DPYSL3: variants seen among roughly 807,000 people sequenced by gnomAD.
The protein encoded by DPYSL3 is dihydropyrimidinase-related protein 3.
In DPYSL3, 16 loss-of-function variants were observed where a neutral mutation model predicts 66.1. That is an observed-to-expected ratio of 0.24 (90% CI 0.16 to 0.37). DPYSL3 has a LOEUF of 0.37. DPYSL3 is among the 10% of genes least tolerant of loss of function. DPYSL3 has a pLI of 1.00. For missense variants in DPYSL3, 738 were observed against 916.2 expected, an observed-to-expected ratio of 0.81 and a Z score of 2.51; for synonymous variants, 338 against 345.1, an observed-to-expected ratio of 0.98 and a Z score of 0.23.
intron 1 of DPYSL3, chr5:147,453,973 C>T (rs772147963): frequency 8.7e-6 from 2 of 230,318 alleles, no homozygotes; most frequent in African/African-American, 4.5e-5. Flanking sequence ...CCCACTTTTT[C>T]TTTTTCTTTC....
chr5:147,424,905 G>A lies in DPYSL3; in HGVS notation c.440C>T (p.Ala147Val), dbSNP rs751057179. 1.2e-6 allele frequency: 2 copies of A among 1,612,130 alleles called. No homozygotes were observed. Among genetic ancestry groups the A allele is most frequent in the African/African-American group, 1.3e-5 (1 of 74,846 alleles). ...RIVNDDQSFY[A>V]DIYMEDGLIK... ...TAAGCCATCTTCCATGTAAATATCA[G>A]CATAAAAGGACTGATCATCATTGAC... is the stretch of plus-strand genomic sequence containing the variant. The change falls in exon 2 of 14, where the codon GCT (alanine) becomes GTT (valine). Residue 147 changes from alanine to valine, a missense_variant. By Grantham distance (64) the Ala-to-Val change is moderately conservative. Transcript: ENST00000343218.
chr5:147,493,018 A>T (rs1043228646), intron 1 of DPYSL3, among the ~76,000 whole-genome samples: 10 of 152,202 alleles, frequency 6.6e-5, no homozygotes, highest in African/African-American at 2.4e-4. Flanking sequence ...TGCTAACACT[A>T]ATCAAAAGAA....
intron 1 of DPYSL3, among the ~76,000 whole-genome samples, chr5:147,491,449 A>G (rs142344967): frequency 9.3e-4 from 141 of 152,334 alleles, no homozygotes; most frequent in African/African-American, 3.3e-3. Context: ...ACAAGCATCA[A>G]AACAAGAGTC....
At chr5:147,442,316 T>C (rs1362867525) in intron 1 of DPYSL3, among the ~76,000 whole-genome samples, 1 of 152,118 alleles carries the variant, frequency 6.6e-6, no homozygotes, top group Non-Finnish European at 1.5e-5. Context: ...TCTACAAATG[T>C]CAACAGCCTC....
intron 1 of DPYSL3, among the ~76,000 whole-genome samples, chr5:147,440,102 C>A (rs189756613): frequency 2.3e-3 from 357 of 152,110 alleles, no homozygotes; most frequent in African/African-American, 7.0e-3. Flanking sequence ...GGAGATCGAG[C>A]CCATCCTGGC....
At position 147,395,610 on chromosome 5, in the gene DPYSL3, G is replaced by A. The variant is rs902623921; in HGVS notation, c.1915C>T (p.Arg639Trp). 4 of 1,613,874 alleles carry A rather than the reference G, an allele frequency of 2.5e-6. No individual in the cohort carries two copies. Among genetic ancestry groups the A allele is most frequent in the Non-Finnish European group, 3.4e-6 (4 of 1,179,988 alleles). ...AGATTCCTCACAGGTGGGTTCGGCC[G>A]AGTAGGAGAGCCCCGAGCAGAGCCT... ...PAGSARGSPTRPNPPVRNLHQ... is the reference protein window; with the variant it reads ...PAGSARGSPTWPNPPVRNLHQ... The change falls in exon 13 of 14, where the codon CGG (arginine) becomes TGG (tryptophan). Residue 639 changes from arginine (R) to tryptophan (W), a missense_variant. By Grantham distance (101) the Arg-to-Trp change is moderately radical. Transcript: ENST00000343218.
intron 1 of DPYSL3, among the ~76,000 whole-genome samples, chr5:147,490,377 C>T (rs1471508822): frequency 6.6e-6 from 1 of 151,998 alleles, no homozygotes; most frequent in South Asian, 2.1e-4. Context: ...AGAGAAGGTA[C>T]ATATAAAACC....
chr5:147,428,577 A>G lies in DPYSL3; in HGVS notation c.382-3614T>C, dbSNP rs75088588. Among the ~76,000 whole-genome samples, 94 of 152,328 alleles carry G rather than the reference A, an allele frequency of 6.2e-4. No individual in the cohort carries two copies. In the East Asian group the frequency reaches 0.018, roughly 29 times the overall value. On this transcript the variant is annotated intron_variant, in intron 1 of 13. Transcript: ENST00000343218. ...CAAAAAAGTGTTTGTCTATGAATTC[A>G]TGGATGAGCCTGATAGATTAACACA... is the stretch of plus-strand genomic sequence containing the variant.
At chr5:147,441,519 T>C (rs2126372042) in intron 1 of DPYSL3, among the ~76,000 whole-genome samples, 1 of 152,238 alleles carries the variant, frequency 6.6e-6, no homozygotes, top group Admixed American at 6.5e-5. Flanking sequence ...GTACTGAGGG[T>C]TAAGACTTTA....
intron 1 of DPYSL3, among the ~76,000 whole-genome samples, chr5:147,469,986 A>T (rs979706604): frequency 1.3e-5 from 2 of 152,214 alleles, no homozygotes; most frequent in African/African-American, 4.8e-5. Context: ...CCACCTTTGG[A>T]CATTGCTTCA....
intron 7 of DPYSL3, among the ~76,000 whole-genome samples, chr5:147,406,677 T>C (rs1468478784): frequency 6.6e-6 from 1 of 152,240 alleles, no homozygotes; most frequent in Non-Finnish European, 1.5e-5. Context: ...TCAAGTGGTC[T>C]ACTCTCAACT....
In DPYSL3 at chr5:147,395,642, G is replaced by T. The variant is rs1259355479; in HGVS notation, c.1883C>A (p.Thr628Asn). ...FDLTTTPKGG[T>N]PAGSARGSPT... is the part of the protein sequence containing the mutation. ...AGAGCCCCGAGCAGAGCCTGCGGGG[G>T]TGCCACCTTTGGGGGTGGTGGTCAG... Residue 628 changes from threonine (T) to asparagine (N), a missense_variant, in exon 13 of 14, where the codon ACC becomes AAC. Transcript: ENST00000343218. 3 of 1,614,116 alleles carry T rather than the reference G, an allele frequency of 1.9e-6. No individual in the cohort carries two copies. The highest frequency in any genetic ancestry group is 2.5e-6 in the Non-Finnish European group (3 of 1,180,046).
At chr5:147,453,649 C>CA in intron 1 of DPYSL3, 2 of 1,504,016 alleles carry the variant, frequency 1.3e-6, no homozygotes, top group Admixed American at 4.3e-5. Context: ...GGCTCGCCCG[C>CA]GCCTTCCTCA....
chr5:147,501,329 G>A (rs1302694518), intron 1 of DPYSL3, among the ~76,000 whole-genome samples: 1 of 152,090 alleles, frequency 6.6e-6, no homozygotes, highest in Non-Finnish European at 1.5e-5. Flanking sequence ...GATGAACAGA[G>A]AGAGCACAGA....
chr5:147,487,532 C>T (rs1475526595), intron 1 of DPYSL3, among the ~76,000 whole-genome samples: 1 of 152,146 alleles, frequency 6.6e-6, no homozygotes, highest in Non-Finnish European at 1.5e-5. Context: ...TATTCAAGAC[C>T]AGGAGTTGGC....
At chr5:147,396,881 ATATAGTGT>A (rs1757991749) in intron 12 of DPYSL3, among the ~76,000 whole-genome samples, 1 of 148,880 alleles carries the variant, frequency 6.7e-6, no homozygotes, top group Non-Finnish European at 1.5e-5. Context: ...ATATATATAT[ATATAGTGT>A]GTGTATAGAA....
chr5:147,408,682 T>A (rs772608505), intron 7 of DPYSL3, 46 bp downstream of exon 7: 4 of 1,593,986 alleles, frequency 2.5e-6, no homozygotes, highest in Non-Finnish European at 3.4e-6. Context: ...CTTTTAACAA[T>A]GTTTATTCAT....
intron 1 of DPYSL3, among the ~76,000 whole-genome samples, chr5:147,478,084 A>G (rs1212515872): frequency 1.3e-5 from 2 of 152,198 alleles, no homozygotes; most frequent in Non-Finnish European, 2.9e-5. Context: ...ATGTTTTTCA[A>G]TTAATGATTT....
Position 147,418,872 on chromosome 5 carries a change from A to G in DPYSL3, c.471-241T>C, listed in dbSNP as rs199672992. Among the ~76,000 whole-genome samples the G allele has an allele frequency of 1.4e-3, 214 of 152,346 alleles. 2 individuals are homozygous for G. Among genetic ancestry groups the G allele is most frequent in the African/African-American group, 4.9e-3 (204 of 41,580 alleles). ...TCGGTGGGACCACGTGTCCTGGTTT[A>G]GTACTATAACCCCAGGGGTCTGATA... is the stretch of plus-strand genomic sequence containing the variant. On this transcript the variant is annotated intron_variant, in intron 2 of 13. Coordinates refer to ENST00000343218, the MANE Select transcript of DPYSL3 (RefSeq NM_001197294.2).
Sources: gnomAD v4.1 joint callset for allele counts (sites outside exome capture counted in the v4.1 genomes callset) on GRCh38, gnomAD v4.1.1 for gene constraint, MANE v1.5 for transcripts, NCBI Gene and HGNC (gene_info 2026-07-23, HGNC 2026-07-21) for gene names.